The following CLSTN2 variants were observed in gnomAD, a reference collection of about 807,000 sequenced individuals.
The protein encoded by CLSTN2 is calsyntenin 2.
A neutral mutation model predicts 101.2 loss-of-function variants in CLSTN2; 48 were observed. The observed-to-expected ratio is 0.47, with a 90% CI of 0.38 to 0.60. The LOEUF (loss-of-function observed/expected upper bound fraction) is 0.60. Ranked by LOEUF, CLSTN2 falls within the 20% of genes least tolerant of loss-of-function variation. The pLI is 0.00. For synonymous variants in CLSTN2, 481 were observed against 463.6 expected (o/e 1.04, Z -0.48); for missense variants, 1,160 against 1,238.2 (o/e 0.94, Z 0.95).
intron 1 of CLSTN2, among the ~76,000 whole-genome samples, chr3:139,995,843 C>T (rs74724018): frequency 0.043 from 6,556 of 152,202 alleles, 157 homozygotes; most frequent in Non-Finnish European, 0.051. Flanking sequence ...TGGAAATTGC[C>T]GATCTTCAAT....
At chr3:140,374,178 C>T (rs112641846) in intron 2 of CLSTN2, among the ~76,000 whole-genome samples, 4,751 of 152,310 alleles carry the variant, frequency 0.031, 271 homozygotes, top group African/African-American at 0.11. Flanking sequence ...ACATCACAGA[C>T]CTTTATGATC....
chr3:140,210,931 A>C (rs1157148135), intron 2 of CLSTN2, among the ~76,000 whole-genome samples: 1 of 152,184 alleles, frequency 6.6e-6, no homozygotes, highest in East Asian at 1.9e-4. Context: ...TCTTCGATTC[A>C]TAGTTCCCCC....
chr3:139,987,667 G>A (rs1936049209), intron 1 of CLSTN2, among the ~76,000 whole-genome samples: 1 of 152,220 alleles, frequency 6.6e-6, no homozygotes, highest in Non-Finnish European at 1.5e-5. Context: ...ATTGTTGTCA[G>A]TGGAATTTAA....
At chr3:140,199,916 A>G (rs1239386001) in intron 2 of CLSTN2, among the ~76,000 whole-genome samples, 1 of 152,188 alleles carries the variant, frequency 6.6e-6, no homozygotes, top group Non-Finnish European at 1.5e-5. Flanking sequence ...TGAAATTGCA[A>G]AGGTCTTTTA....
intron 2 of CLSTN2, among the ~76,000 whole-genome samples, chr3:140,246,998 T>G (rs1240794819): frequency 6.6e-6 from 1 of 152,180 alleles, no homozygotes; most frequent in Non-Finnish European, 1.5e-5. Flanking sequence ...CTGGGGGCCA[T>G]AGTTATGGAC....
intron 1 of CLSTN2, among the ~76,000 whole-genome samples, chr3:139,990,236 A>G (rs762186840): frequency 4.6e-5 from 7 of 152,210 alleles, no homozygotes; most frequent in Non-Finnish European, 7.3e-5. Context: ...CTGAATGTCA[A>G]TAAGTTTGGT....
At chr3:140,451,306 C>T (rs1002748916) in intron 6 of CLSTN2, among the ~76,000 whole-genome samples, 2 of 152,182 alleles carry the variant, frequency 1.3e-5, no homozygotes, top group Non-Finnish European at 2.9e-5. Flanking sequence ...AATTTTCGAA[C>T]AAAATTGCAT....
At chr3:140,372,235 G>A (rs1166021671) in intron 2 of CLSTN2, among the ~76,000 whole-genome samples, 1 of 152,104 alleles carries the variant, frequency 6.6e-6, no homozygotes, top group Non-Finnish European at 1.5e-5. Context: ...TCTTGAGATG[G>A]CCTCCTGATC....
At chr3:140,443,317 G>A (rs143487328) in intron 5 of CLSTN2, among the ~76,000 whole-genome samples, 99 of 152,334 alleles carry the variant, frequency 6.5e-4, no homozygotes, top group African/African-American at 2.2e-3. Context: ...AACAATGGAC[G>A]GAACGTCTTA....
intron 1 of CLSTN2, among the ~76,000 whole-genome samples, chr3:140,170,152 TA>T (rs746641829): frequency 1.5e-4 from 23 of 151,982 alleles, no homozygotes; most frequent in Non-Finnish European, 2.8e-4. Context: ...TTTGATGGAG[TA>T]AAAAATAAAG....
chr3:140,571,053 T>C lies in CLSTN2; in HGVS notation c.*4800T>C, dbSNP rs893807013. On this transcript the variant is annotated 3_prime_UTR_variant, in exon 17 of 17. Coordinates refer to ENST00000458420, the MANE Select transcript of CLSTN2 (RefSeq NM_022131.3). ...GATATTCCACGAGAGTTGAAAGCCT[T>C]GGATCGAGGTGATTGCCTGGTTACT... The C allele has an allele frequency of 1.4e-4, 21 of 152,240 alleles. No individual in the cohort carries two copies. Among genetic ancestry groups the C allele is most frequent in the Admixed American group, 1.4e-3 (21 of 15,288 alleles). 9.4% of individuals were successfully genotyped at this position (152,240 alleles called of 1,614,324 possible).
chr3:140,062,596 T>C (rs976518612), intron 1 of CLSTN2, among the ~76,000 whole-genome samples: 1 of 152,218 alleles, frequency 6.6e-6, no homozygotes, highest in Non-Finnish European at 1.5e-5. Context: ...ACTGCATAGA[T>C]AGCTTTTTAT....
At chr3:140,340,519 T>G (rs1386306150) in intron 2 of CLSTN2, among the ~76,000 whole-genome samples, 2 of 152,232 alleles carry the variant, frequency 1.3e-5, no homozygotes, top group Non-Finnish European at 2.9e-5. Context: ...TTTCCTTTCC[T>G]TTTGTTGTTT....
At chr3:140,489,664 C>T (rs867467390) in intron 8 of CLSTN2, among the ~76,000 whole-genome samples, 8 of 152,128 alleles carry the variant, frequency 5.3e-5, no homozygotes, top group African/African-American at 1.7e-4. Flanking sequence ...ATGAAATCAA[C>T]CCTGTGTTGG....
At chr3:140,131,692 C>T (rs1269115337) in intron 1 of CLSTN2, among the ~76,000 whole-genome samples, 1 of 152,054 alleles carries the variant, frequency 6.6e-6, no homozygotes, top group Non-Finnish European at 1.5e-5. Flanking sequence ...AGTCAGGTGG[C>T]TGAATCATGA....
At chr3:140,094,765 C>G (rs1021347369) in intron 1 of CLSTN2, among the ~76,000 whole-genome samples, 3 of 152,174 alleles carry the variant, frequency 2.0e-5, no homozygotes, top group African/African-American at 7.2e-5. Flanking sequence ...GTCTGTGCCC[C>G]CAAGTTATAC....
chr3:140,202,367 A>G (rs1004035031), intron 2 of CLSTN2, among the ~76,000 whole-genome samples: 3 of 152,210 alleles, frequency 2.0e-5, no homozygotes, highest in Non-Finnish European at 4.4e-5. Context: ...CCGAGCTAAC[A>G]GGATTTCCTG....
intron 1 of CLSTN2, among the ~76,000 whole-genome samples, chr3:140,102,212 T>C (rs1382504463): frequency 6.6e-6 from 1 of 152,182 alleles, no homozygotes; most frequent in Non-Finnish European, 1.5e-5. Context: ...CATTGCTGCC[T>C]CCTTGGCAGG....
chr3:139,983,245 C>G (rs1028035042), intron 1 of CLSTN2, among the ~76,000 whole-genome samples: 1 of 151,950 alleles, frequency 6.6e-6, no homozygotes, highest in South Asian at 2.1e-4. Context: ...ATAATTTCCA[C>G]TCTTGTGGAA....
Sources: allele counts gnomAD v4.1 joint callset (sites outside exome capture counted in the v4.1 genomes callset), GRCh38; gene constraint gnomAD v4.1.1; transcripts MANE v1.5; gene names NCBI Gene and HGNC (gene_info 2026-07-23, HGNC 2026-07-21).